Variants in EEF2K observed in about 807,000 individuals in gnomAD.
The protein encoded by EEF2K is alternative protein EEF2K.
EEF2K carries 70 observed loss-of-function variants against 93.8 expected under a neutral mutation model. The observed-to-expected ratio is 0.75, with a 90% CI of 0.62 to 0.91. The LOEUF (loss-of-function observed/expected upper bound fraction) is 0.91, where lower values mean the gene tolerates loss of function less well. Among genes scored for constraint, EEF2K ranks in the 40% least tolerant of loss-of-function variants. The pLI is 0.00. For missense variants in EEF2K, 935 were observed against 972.9 expected, an observed-to-expected ratio of 0.96 and a Z score of 0.52; for synonymous variants, 376 against 380.8, an observed-to-expected ratio of 0.99 and a Z score of 0.15.
At chr16:22,246,828 A>G (rs2047297493) in intron 3 of EEF2K, among the ~76,000 whole-genome samples, 1 of 151,638 alleles carries the variant, frequency 6.6e-6, no homozygotes, top group African/African-American at 2.4e-5. Context: ...TCATGAGATC[A>G]GGAGTTTGAG....
At chr16:22,240,483 G>A (rs1378359468) in intron 2 of EEF2K, among the ~76,000 whole-genome samples, 1 of 151,768 alleles carries the variant, frequency 6.6e-6, no homozygotes, top group African/African-American at 2.4e-5. Flanking sequence ...ATGTACTACT[G>A]AGATCTTGCA....
chr16:22,264,289 C>CA (rs59993193), intron 12 of EEF2K, among the ~76,000 whole-genome samples: 1,222 of 39,830 alleles, frequency 0.031, 77 homozygotes, highest in Non-Finnish European at 0.043. Context: ...GAGACTGTCT[C>CA]AAAAAAAAAA....
intron 2 of EEF2K, among the ~76,000 whole-genome samples, chr16:22,226,325 CTTTTTTTTT>C (rs935058417): frequency 1.6e-5 from 1 of 63,668 alleles, no homozygotes; most frequent in African/African-American, 5.6e-5. Context: ...AGGTGCTGTT[CTTTTTTTTT>C]TTTTTTTTTT....
chr16:22,223,910 C>T (rs1231783472), intron 1 of EEF2K, among the ~76,000 whole-genome samples: 2 of 152,076 alleles, frequency 1.3e-5, no homozygotes, highest in African/African-American at 4.8e-5. Flanking sequence ...GATTGTGCTA[C>T]AGAAAGTGCT....
intron 3 of EEF2K, 129 bp from the exon 4 acceptor site, chr16:22,248,626 A>G (rs1032339193): frequency 7.5e-6 from 8 of 1,072,656 alleles, no homozygotes; most frequent in African/African-American, 1.6e-5. Context: ...TGGCTGGGCT[A>G]TGGGCCAAGG....
At chr16:22,221,268 C>T (rs760772888) in intron 1 of EEF2K, among the ~76,000 whole-genome samples, 5 of 152,094 alleles carry the variant, frequency 3.3e-5, no homozygotes, top group Non-Finnish European at 7.4e-5. Flanking sequence ...GGGAGGATCA[C>T]TTGAGGCTGG....
chr16:22,220,360 A>G (rs1470444977), intron 1 of EEF2K, among the ~76,000 whole-genome samples: 1 of 152,212 alleles, frequency 6.6e-6, no homozygotes, highest in Non-Finnish European at 1.5e-5. Context: ...CCACACTGTA[A>G]GATGAGGGAG....
At position 22,208,416 on chromosome 16, in the gene EEF2K, G is replaced by C. The variant is rs74484748; in HGVS notation, c.-77+1737G>C. Among the ~76,000 whole-genome samples the C allele has an allele frequency of 1.0e-2, 1,520 of 152,192 alleles. 29 individuals are homozygous for C. The highest frequency in any genetic ancestry group is 0.034 in the African/African-American group (1,424 of 41,502). ...CATGAGCCTGTAATCCCAGCTACTCGGGAGGCTGAGGCAGGAGAATCGAGA... is the reference window on the plus strand; with the variant it reads ...CATGAGCCTGTAATCCCAGCTACTCCGGAGGCTGAGGCAGGAGAATCGAGA... On this transcript the variant is annotated intron_variant, in intron 1 of 17. Coordinates refer to ENST00000263026, the MANE Select transcript of EEF2K (RefSeq NM_013302.5).
chr16:22,246,812 G>A (rs536571538), intron 3 of EEF2K, among the ~76,000 whole-genome samples: 1 of 151,958 alleles, frequency 6.6e-6, no homozygotes, highest in East Asian at 1.9e-4. Context: ...GGCTGAGGCA[G>A]GCGGATCATG....
intron 7 of EEF2K, among the ~76,000 whole-genome samples, 162 bp from the exon 8 acceptor site, chr16:22,257,091 G>A (rs1174377845): frequency 6.6e-6 from 1 of 152,216 alleles, no homozygotes; most frequent in Non-Finnish European, 1.5e-5. Context: ...AGGACCTGCA[G>A]CCCAAGGTCC....
At chr16:22,220,030 A>G (rs2046996069) in intron 1 of EEF2K, among the ~76,000 whole-genome samples, 1 of 152,202 alleles carries the variant, frequency 6.6e-6, no homozygotes, top group Non-Finnish European at 1.5e-5. Context: ...TCACATGTTT[A>G]TATCTATCTG....
At chr16:22,231,440 A>G (rs2047114232) in intron 2 of EEF2K, among the ~76,000 whole-genome samples, 1 of 151,968 alleles carries the variant, frequency 6.6e-6, no homozygotes, top group Admixed American at 6.6e-5. Context: ...TTAAAAATGT[A>G]TATACATATA....
intron 2 of EEF2K, among the ~76,000 whole-genome samples, chr16:22,234,439 C>T (rs1434249586): frequency 6.6e-6 from 1 of 152,012 alleles, no homozygotes; most frequent in Non-Finnish European, 1.5e-5. Context: ...AGACTGTAGT[C>T]CCAGCTACTC....
intron 12 of EEF2K, 32 bp downstream of exon 12, chr16:22,263,219 C>A: frequency 6.3e-7 from 1 of 1,588,482 alleles, no homozygotes; most frequent in East Asian, 2.3e-5. Context: ...AGACCGGTGT[C>A]ACCTGTTGCC....
At chr16:22,221,952 C>T (rs2047016511) in intron 1 of EEF2K, among the ~76,000 whole-genome samples, 1 of 151,956 alleles carries the variant, frequency 6.6e-6, no homozygotes, top group Non-Finnish European at 1.5e-5. Context: ...CTCCTGTAAT[C>T]CCAGCTACTC....
intron 1 of EEF2K, among the ~76,000 whole-genome samples, chr16:22,211,856 G>A (rs1249516023): frequency 6.6e-6 from 1 of 152,104 alleles, no homozygotes; most frequent in Non-Finnish European, 1.5e-5. Context: ...ATGCACTTGT[G>A]CATTTATGGT....
At chr16:22,272,238 T>C (rs2047589301) in intron 15 of EEF2K, among the ~76,000 whole-genome samples, 1 of 152,176 alleles carries the variant, frequency 6.6e-6, no homozygotes, top group Non-Finnish European at 1.5e-5. Context: ...CAAATCTTCA[T>C]AGCAGCATTA....
chr16:22,272,331 A>G (rs935991412), intron 15 of EEF2K, among the ~76,000 whole-genome samples: 1 of 152,244 alleles, frequency 6.6e-6, no homozygotes, highest in African/African-American at 2.4e-5. Context: ...CAGCCATACA[A>G]TGGACTATTA....
At chr16:22,226,932 G>T (rs1172064643) in intron 2 of EEF2K, among the ~76,000 whole-genome samples, 1 of 152,220 alleles carries the variant, frequency 6.6e-6, no homozygotes, top group African/African-American at 2.4e-5. Flanking sequence ...GGGTGCAGTG[G>T]CTTACGCCTG....
Sources: gnomAD v4.1 joint callset for allele counts (sites outside exome capture counted in the v4.1 genomes callset) on GRCh38, gnomAD v4.1.1 for gene constraint, MANE v1.5 for transcripts, NCBI Gene and HGNC (gene_info 2026-07-23, HGNC 2026-07-21) for gene names.